Variants in TBCD observed in about 807,000 individuals in gnomAD.
The protein encoded by TBCD is tubulin-specific chaperone D.
Under a neutral mutation model 169.3 loss-of-function variants are expected in TBCD, and 105 were observed. The ratio of observed to expected loss-of-function variants is 0.62; its 90% CI spans 0.53 to 0.73. The LOEUF (loss-of-function observed/expected upper bound fraction) is 0.73, where lower values mean the gene tolerates loss of function less well. Among genes scored for constraint, TBCD ranks in the 30% least tolerant of loss-of-function variants. TBCD has a pLI of 0.00. For synonymous variants in TBCD, 700 were observed against 643.9 expected (o/e 1.09, Z -1.32); for missense variants, 1,444 against 1,600.1 (o/e 0.90, Z 1.66).
At chr17:82,932,864 T>C (rs1224853650) in intron 34 of TBCD, 129 bp downstream of exon 34, 2 of 840,188 alleles carry the variant, frequency 2.4e-6, no homozygotes, top group Non-Finnish European at 1.9e-6. Context: ...GGGTCAGTTA[T>C]GGTGACTGTA....
In TBCD at chr17:82,923,518, C is replaced by T; in HGVS notation, c.2179-134C>T. 1 of 714,302 alleles carries T rather than the reference C, an allele frequency of 1.4e-6. No homozygotes were observed. Among genetic ancestry groups the T allele is most frequent in the African/African-American group, 1.8e-5 (1 of 55,380 alleles). 44.2% of individuals were successfully genotyped at this position (714,302 alleles called of 1,614,324 possible). On this transcript the variant is annotated intron_variant, in intron 25 of 38. Coordinates refer to ENST00000355528, the MANE Select transcript of TBCD (RefSeq NM_005993.5). This position sits in a 1 kb window ranked among gnomAD's most constrained non-coding sequence, Gnocchi z 4.6. ...CGCTGGGTCCCTGGTCAGGCAGGGG[C>T]TGCTCTGACCTCAGGGTGACCACGG... is the stretch of plus-strand genomic sequence containing the variant.
intron 13 of TBCD, among the ~76,000 whole-genome samples, chr17:82,827,894 C>T (rs1210458366): frequency 7.2e-6 from 1 of 138,552 alleles, no homozygotes; most frequent in Non-Finnish European, 1.5e-5. Flanking sequence ...CACACCCACA[C>T]AATCTAATGC....
chr17:82,877,636 G>A (rs944064951), intron 14 of TBCD, among the ~76,000 whole-genome samples: 11 of 152,100 alleles, frequency 7.2e-5, no homozygotes, highest in Non-Finnish European at 1.2e-4. Context: ...CACTGCGCCC[G>A]GCTGTAGTTA....
chr17:82,752,776 C>T (rs190739037), intron 1 of TBCD, among the ~76,000 whole-genome samples: 3 of 152,304 alleles, frequency 2.0e-5, no homozygotes, highest in Admixed American at 2.0e-4. Context: ...AGTGTGGACT[C>T]CCAGGCTTGC....
Position 82,938,072 on chromosome 17 carries a change from C to T in TBCD, c.3305C>T (p.Pro1102Leu), listed in dbSNP as rs775057996. 20 of 1,613,052 alleles carry T rather than the reference C, an allele frequency of 1.2e-5. No individual in the cohort carries two copies. The highest frequency in any genetic ancestry group is 1.7e-5 in the Non-Finnish European group (20 of 1,179,842). ...AGGTTCTGCGAGATGGTGCAGTTCC[C>T]CGGCGACGTGAGGAGGCAGGCCCTC... is the stretch of plus-strand genomic sequence containing the variant. Reference protein sequence around the residue: ...IAVFCEMVQFPGDVRRQALLQ... With the variant: ...IAVFCEMVQFLGDVRRQALLQ... Residue 1102 changes from proline (P) to leucine (L), a missense_variant, in exon 36 of 39, where the codon CCC becomes CTC. Transcript: ENST00000355528.
rs566678192 is a variant in TBCD at position 82,753,838 on chromosome 17, G to A, written c.184+1461G>A. 4.0e-5 allele frequency among the ~76,000 whole-genome samples: 6 copies of A among 150,890 alleles called. No homozygotes were observed. The South Asian group carries it at 6.3e-4, about 16-fold the overall frequency. On this transcript the variant is annotated intron_variant, in intron 1 of 38. Coordinates refer to ENST00000355528, the MANE Select transcript of TBCD (RefSeq NM_005993.5). The stretch of plus-strand genomic sequence containing the variant: ...CCATGGAGAAGATTTAGTTCACGCA[G>A]AGCCGGTTGAAAGGGAGACTAGACT...
intron 30 of TBCD, among the ~76,000 whole-genome samples, 168 bp downstream of exon 30, chr17:82,928,156 C>T (rs2061913999): frequency 6.6e-6 from 1 of 152,208 alleles, no homozygotes; most frequent in South Asian, 2.1e-4. Flanking sequence ...CAGGCCCCTC[C>T]TCCTGCCCCC....
At chr17:82,935,756 T>A (rs1215740131) in intron 34 of TBCD, among the ~76,000 whole-genome samples, 1 of 152,218 alleles carries the variant, frequency 6.6e-6, no homozygotes, top group Non-Finnish European at 1.5e-5. Context: ...TACTTTCCTG[T>A]TCATTGTGGT....
Position 82,850,517 on chromosome 17 carries a change from G to T in TBCD, c.1319-19707G>T, listed in dbSNP as rs536330427. Among the ~76,000 whole-genome samples, 131 of 101,314 alleles carry T rather than the reference G, an allele frequency of 1.3e-3. 2 individuals are homozygous for T. The highest frequency in any genetic ancestry group is 3.7e-3 in the African/African-American group (126 of 33,784). The allele number at this position is 101,314 out of a possible 152,430, so 66.5% of individuals were successfully genotyped here. ...GTGCTGTTTTGCTGTTGGCTGTGCTGTTGTTGGCTGTGCTGTTGTTAGCTG... is the reference window on the plus strand; with the variant it reads ...GTGCTGTTTTGCTGTTGGCTGTGCTTTTGTTGGCTGTGCTGTTGTTAGCTG... On this transcript the variant is annotated intron_variant, in intron 13 of 38. Coordinates refer to ENST00000355528, the MANE Select transcript of TBCD (RefSeq NM_005993.5).
At chr17:82,758,692 C>T (rs1291273350) in intron 2 of TBCD, among the ~76,000 whole-genome samples, 3 of 108,360 alleles carry the variant, frequency 2.8e-5, no homozygotes, top group Non-Finnish European at 5.2e-5. Context: ...GATGTAGTCT[C>T]TCTGTTGCCC....
chr17:82,767,769 A>C (rs1025098157), intron 4 of TBCD, among the ~76,000 whole-genome samples: 3 of 152,122 alleles, frequency 2.0e-5, no homozygotes, highest in African/African-American at 7.2e-5. Context: ...ATCCTGGCTA[A>C]CACGGTGCAA....
At chr17:82,899,125 C>T (rs1156443023) in intron 17 of TBCD, among the ~76,000 whole-genome samples, 4 of 152,062 alleles carry the variant, frequency 2.6e-5, no homozygotes, top group Non-Finnish European at 5.9e-5. Flanking sequence ...CGTGTGTCCT[C>T]AGTGCATGTG....
intron 13 of TBCD, chr17:82,830,213 C>T (rs1395854673): frequency 1.2e-6 from 2 of 1,614,154 alleles, no homozygotes; most frequent in African/African-American, 2.7e-5. Flanking sequence ...TTCTTAGCTC[C>T]TTGCTGGGAT....
At chr17:82,773,482 T>C (rs929044374) in intron 6 of TBCD, among the ~76,000 whole-genome samples, 4 of 152,202 alleles carry the variant, frequency 2.6e-5, no homozygotes, top group African/African-American at 7.2e-5. Flanking sequence ...ATTTAGATAA[T>C]AGAGCATGAA....
At position 82,852,002 on chromosome 17, in the gene TBCD, G is replaced by A. The variant is rs186901439; in HGVS notation, c.1319-18222G>A. Reference sequence around the variant, plus strand: ...GGATTTTTAATGATTTTGTTGAGACGCAATTCACATGCCATTCAGTTCTGT... The same window carrying A: ...GGATTTTTAATGATTTTGTTGAGACACAATTCACATGCCATTCAGTTCTGT... On this transcript the variant is annotated intron_variant, in intron 13 of 38. Coordinates refer to ENST00000355528, the MANE Select transcript of TBCD (RefSeq NM_005993.5). Among the ~76,000 whole-genome samples the A allele has an allele frequency of 3.1e-3, 470 of 152,250 alleles. 1 individual carries two copies. The highest frequency in any genetic ancestry group is 5.1e-3 in the Non-Finnish European group (347 of 68,000).
In TBCD at chr17:82,915,710, T is replaced by A. The variant is rs1372065746; in HGVS notation, c.2038+3921T>A. 1.3e-5 allele frequency among the ~76,000 whole-genome samples: 2 copies of A among 152,038 alleles called. No homozygotes were observed. The highest frequency in any genetic ancestry group is 4.8e-5 in the African/African-American group (2 of 41,408). Reference sequence around the variant, plus strand: ...AGGGCAGGGGCCGGGAGGAAGGGGGTCATCTGGCTCACAGCCTTGCACCAG... The same window carrying A: ...AGGGCAGGGGCCGGGAGGAAGGGGGACATCTGGCTCACAGCCTTGCACCAG... On this transcript the variant is annotated intron_variant, in intron 23 of 38. Transcript: ENST00000355528. This position sits in a 1 kb window ranked among gnomAD's most constrained non-coding sequence, Gnocchi z 4.3.
intron 19 of TBCD, among the ~76,000 whole-genome samples, chr17:82,904,264 G>T (rs1356896197): frequency 7.0e-6 from 1 of 142,546 alleles, no homozygotes; most frequent in African/African-American, 2.7e-5. Flanking sequence ...ACACTCCTTG[G>T]TCTCTAGGTG....
chr17:82,882,773 GTGGGTC>G (rs367626543), intron 14 of TBCD, among the ~76,000 whole-genome samples: 1 of 152,184 alleles, frequency 6.6e-6, no homozygotes, highest in African/African-American at 2.4e-5. Context: ...AGCAAGGCCA[GTGGGTC>G]TGGGTCTGGG....
chr17:82,828,242 A>C (rs1421630765), intron 13 of TBCD, among the ~76,000 whole-genome samples: 1 of 108,572 alleles, frequency 9.2e-6, no homozygotes, highest in African/African-American at 3.8e-5. Context: ...CCCCCCACAG[A>C]TATGCACATG....
Sources: allele counts gnomAD v4.1 joint callset (sites outside exome capture counted in the v4.1 genomes callset), GRCh38; gene constraint gnomAD v4.1.1; non-coding constraint Gnocchi (gnomAD v3.1); transcripts MANE v1.5; gene names NCBI Gene and HGNC (gene_info 2026-07-23, HGNC 2026-07-21).